Variants in CDH12 observed in about 807,000 individuals in gnomAD.
CDH12 encodes the protein cadherin 12, also known as cadherin-12.
CDH12 carries 41 observed loss-of-function variants against 74.1 expected under a neutral mutation model. That is an observed-to-expected ratio of 0.55 (90% CI 0.43 to 0.72). The LOEUF (loss-of-function observed/expected upper bound fraction) is 0.72. Among genes scored for constraint, CDH12 ranks in the 30% least tolerant of loss-of-function variants. The pLI, the probability that CDH12 is intolerant of heterozygous loss-of-function variation, is 0.00. For missense variants in CDH12, 945 were observed against 977.2 expected (o/e 0.97, Z 0.44); for synonymous variants, 399 against 355.0 (o/e 1.12, Z -1.39).
chr5:21,800,448 G>T (rs995656354), intron 10 of CDH12, among the ~76,000 whole-genome samples: 1 of 152,098 alleles, frequency 6.6e-6, no homozygotes, highest in Admixed American at 6.5e-5. Context: ...GAGGTAATTA[G>T]TTGATCCGGA....
intron 1 of CDH12, among the ~76,000 whole-genome samples, chr5:22,600,880 A>G (rs1736826391): frequency 6.6e-6 from 1 of 152,132 alleles, no homozygotes. Context: ...GATTCAGTAC[A>G]ATGACAATTA....
chr5:21,908,003 T>C (rs1753714462), intron 6 of CDH12, among the ~76,000 whole-genome samples: 1 of 152,180 alleles, frequency 6.6e-6, no homozygotes, highest in African/African-American at 2.4e-5. Flanking sequence ...CTATTACCTA[T>C]CCCATACCCT....
chr5:21,876,341 C>T (rs1180072892), intron 6 of CDH12, among the ~76,000 whole-genome samples: 2 of 152,170 alleles, frequency 1.3e-5, no homozygotes, highest in African/African-American at 4.8e-5. Context: ...CCTCTCTCTG[C>T]TCATATACCC....
At chr5:21,784,322 T>A (rs1746081383) in intron 10 of CDH12, among the ~76,000 whole-genome samples, 1 of 152,124 alleles carries the variant, frequency 6.6e-6, no homozygotes, top group African/African-American at 2.4e-5. Context: ...ATCATTAACA[T>A]TTTTAAATAT....
chr5:22,207,223 A>C (rs1424105666), intron 4 of CDH12, among the ~76,000 whole-genome samples: 1 of 151,236 alleles, frequency 6.6e-6, no homozygotes. Context: ...TCTCAAAAAA[A>C]AAAAAAAGAA....
intron 5 of CDH12, among the ~76,000 whole-genome samples, chr5:21,976,268 CA>C (rs1432105375): frequency 6.6e-6 from 1 of 151,922 alleles, no homozygotes; most frequent in African/African-American, 2.4e-5. Context: ...ATGTATGGTA[CA>C]TTATGTTATA....
chr5:22,220,127 T>C (rs1751960919), intron 3 of CDH12, among the ~76,000 whole-genome samples: 1 of 151,728 alleles, frequency 6.6e-6, no homozygotes, highest in Admixed American at 6.6e-5. Flanking sequence ...GTTAAAAATA[T>C]AATAACAAAG....
intron 4 of CDH12, among the ~76,000 whole-genome samples, chr5:22,180,568 A>G (rs528928594): frequency 6.6e-6 from 1 of 151,312 alleles, no homozygotes; most frequent in Non-Finnish European, 1.5e-5. Context: ...GCTGGAGTGC[A>G]GTGGGGCGAT....
At chr5:21,868,538 C>G (rs1218320898) in intron 6 of CDH12, among the ~76,000 whole-genome samples, 1 of 152,162 alleles carries the variant, frequency 6.6e-6, no homozygotes, top group African/African-American at 2.4e-5. Flanking sequence ...ATTCTACCCC[C>G]ATGTGTGCAG....
chr5:22,358,015 C>T (rs746581731), intron 3 of CDH12, among the ~76,000 whole-genome samples: 1 of 152,198 alleles, frequency 6.6e-6, no homozygotes, highest in Non-Finnish European at 1.5e-5. Context: ...AACTCCAGCA[C>T]ATCCTCTCCT....
At chr5:22,714,211 A>C (rs984844539) in intron 1 of CDH12, among the ~76,000 whole-genome samples, 3 of 152,132 alleles carry the variant, frequency 2.0e-5, no homozygotes, top group Non-Finnish European at 4.4e-5. Context: ...TCTAATGCAG[A>C]GCGATTTGGG....
chr5:22,555,047 C>G (rs1738737370), intron 1 of CDH12, among the ~76,000 whole-genome samples: 1 of 152,008 alleles, frequency 6.6e-6, no homozygotes, highest in Non-Finnish European at 1.5e-5. Context: ...AGAACATAAT[C>G]TTGCACAGAA....
intron 5 of CDH12, among the ~76,000 whole-genome samples, chr5:22,039,592 G>T (rs908301013): frequency 6.6e-6 from 1 of 152,022 alleles, no homozygotes; most frequent in Non-Finnish European, 1.5e-5. Flanking sequence ...TCCCATTTTG[G>T]ATAAAGTGAG....
At chr5:22,076,507 CT>C (rs915933578) in intron 5 of CDH12, among the ~76,000 whole-genome samples, 3 of 152,120 alleles carry the variant, frequency 2.0e-5, no homozygotes, top group African/African-American at 7.2e-5. Context: ...TGATGTCTAG[CT>C]TCTGTCATAA....
intron 5 of CDH12, among the ~76,000 whole-genome samples, chr5:21,977,959 T>G (rs1757139970): frequency 1.5e-5 from 2 of 136,098 alleles, no homozygotes; most frequent in Admixed American, 7.1e-5. Flanking sequence ...TAATGCTGAT[T>G]AATTAGGCAG....
At chr5:22,654,718 C>T (rs545808628) in intron 1 of CDH12, among the ~76,000 whole-genome samples, 1 of 151,634 alleles carries the variant, frequency 6.6e-6, no homozygotes, top group Admixed American at 6.6e-5. Context: ...TCACTGCAAC[C>T]CCTGCGTCCG....
At chr5:22,638,484 C>T (rs960988357) in intron 1 of CDH12, among the ~76,000 whole-genome samples, 1 of 152,054 alleles carries the variant, frequency 6.6e-6, no homozygotes, top group African/African-American at 2.4e-5. Flanking sequence ...AGTTCCCCCG[C>T]CTGCTTTCAT....
At chr5:21,991,526 A>AACTATATATAACAAT (rs367782269) in intron 5 of CDH12, among the ~76,000 whole-genome samples, 2 of 508 alleles carry the variant, frequency 3.9e-3, no homozygotes, top group South Asian at 0.14. Flanking sequence ...TGTTATATAT[A>AACTATATATAACAAT]TAGGTTATAT....
In CDH12 at chr5:21,879,704, G is replaced by C. The variant is rs114939439; in HGVS notation, c.527-24914C>G. Among the ~76,000 whole-genome samples the C allele has an allele frequency of 5.3e-3, 809 of 152,182 alleles. 14 individuals are homozygous for C. The highest frequency in any genetic ancestry group is 0.019 in the African/African-American group (771 of 41,520). ...AGTTGTAAGCCAGGGGTAAAATATA[G>C]TGCAGATTAAAAAATAAAAAGAGAT... On this transcript the variant is annotated intron_variant, in intron 6 of 14. Coordinates refer to ENST00000382254, the MANE Select transcript of CDH12 (RefSeq NM_004061.5).
Sources: allele counts gnomAD v4.1 joint callset (sites outside exome capture counted in the v4.1 genomes callset), GRCh38; gene constraint gnomAD v4.1.1; transcripts MANE v1.5; gene names NCBI Gene and HGNC (gene_info 2026-07-23, HGNC 2026-07-21).